The following SLC12A8 variants were observed in gnomAD, a reference collection of about 807,000 sequenced individuals.
The protein encoded by SLC12A8 is solute carrier family 12 member 8.
A neutral mutation model predicts 75.6 loss-of-function variants in SLC12A8; 69 were observed. The observed-to-expected ratio is 0.91, with a 90% CI of 0.75 to 1.11. The LOEUF (loss-of-function observed/expected upper bound fraction) is 1.11, where lower values mean the gene tolerates loss of function less well. SLC12A8 is among the 50% of genes most tolerant of loss of function. The probability of loss-of-function intolerance (pLI) is 0.00; values close to 1 mark genes in which losing one functional copy is unlikely to be tolerated. For missense variants in SLC12A8, 877 were observed against 896.7 expected, an observed-to-expected ratio of 0.98 and a Z score of 0.28; for synonymous variants, 365 against 372.8, an observed-to-expected ratio of 0.98 and a Z score of 0.24.
intron 2 of SLC12A8, among the ~76,000 whole-genome samples, chr3:125,203,648 T>C (rs910680526): frequency 5.3e-5 from 8 of 151,970 alleles, no homozygotes; most frequent in African/African-American, 1.2e-4. Flanking sequence ...GAAGAAAACA[T>C]AGGGGGCATG....
intron 4 of SLC12A8, 61 bp from the exon 5 acceptor site, chr3:125,178,035 A>G: frequency 7.2e-7 from 1 of 1,389,102 alleles, no homozygotes; most frequent in Admixed American, 1.9e-5. Flanking sequence ...CCATGGGCAG[A>G]ACCGCCCAGC....
chr3:125,212,373 G>T (rs564252099), intron 1 of SLC12A8, among the ~76,000 whole-genome samples: 2 of 151,964 alleles, frequency 1.3e-5, no homozygotes, highest in African/African-American at 4.8e-5. Context: ...GCCTCCGCTC[G>T]CCCTTCCCGC....
chr3:125,092,363 C>T (rs192212702), intron 10 of SLC12A8, among the ~76,000 whole-genome samples, 165 bp from the exon 11 acceptor site: 1 of 152,222 alleles, frequency 6.6e-6, no homozygotes, highest in Admixed American at 6.5e-5. Context: ...TTATGGCCTC[C>T]CACCAGCCAA....
intron 6 of SLC12A8, among the ~76,000 whole-genome samples, chr3:125,134,319 A>G (rs1039483752): frequency 2.0e-5 from 3 of 151,716 alleles, no homozygotes; most frequent in Non-Finnish European, 4.4e-5. Flanking sequence ...CATGTTGTCC[A>G]GGCTGTTCTT....
At position 125,207,189 on chromosome 3, in the gene SLC12A8, G is replaced by A. The variant is rs193220090; in HGVS notation, c.51+4110C>T. 6.6e-5 allele frequency among the ~76,000 whole-genome samples: 10 copies of A among 152,254 alleles called. No individual in the cohort carries two copies. The East Asian group carries it at 9.6e-4, about 15-fold the overall frequency. ...GTTCTGACGGGGAGCCTGCTCCCAC[G>A]GCCTGCAGCGGGTTTTTTCTAGAAT... On this transcript the variant is annotated intron_variant, in intron 2 of 13. Coordinates refer to ENST00000469902, the MANE Select transcript of SLC12A8 (RefSeq NM_024628.6).
intron 8 of SLC12A8, among the ~76,000 whole-genome samples, chr3:125,115,719 G>A (rs1386888533): frequency 6.6e-6 from 1 of 152,030 alleles, no homozygotes; most frequent in Admixed American, 6.6e-5. Flanking sequence ...CTGGCAGAAA[G>A]CCCCCGAGAG....
chr3:125,089,661 T>A (rs1262255338), intron 12 of SLC12A8, among the ~76,000 whole-genome samples: 1 of 144,800 alleles, frequency 6.9e-6, no homozygotes, highest in East Asian at 2.1e-4. Flanking sequence ...TGCATCAGAC[T>A]ATTCTAATTC....
intron 5 of SLC12A8, among the ~76,000 whole-genome samples, chr3:125,149,590 T>C (rs1275075180): frequency 1.3e-5 from 2 of 152,188 alleles, no homozygotes; most frequent in East Asian, 3.8e-4. Flanking sequence ...CACATAATTT[T>C]ACAAACAAGA....
chr3:125,210,081 G>A (rs1202071987), intron 2 of SLC12A8, among the ~76,000 whole-genome samples: 3 of 152,194 alleles, frequency 2.0e-5, no homozygotes, highest in Non-Finnish European at 4.4e-5. Context: ...CAACACAGAG[G>A]TCATTGTATC....
chr3:125,189,987 G>A (rs907400876), intron 3 of SLC12A8, among the ~76,000 whole-genome samples: 3 of 152,146 alleles, frequency 2.0e-5, no homozygotes, highest in African/African-American at 7.2e-5. Context: ...TTGCAGTGTG[G>A]TGGGGGAAGG....
intron 5 of SLC12A8, among the ~76,000 whole-genome samples, chr3:125,175,386 A>C (rs139321250): frequency 1.2e-3 from 180 of 152,360 alleles, no homozygotes; most frequent in African/African-American, 4.2e-3. Context: ...TGATACCAAA[A>C]ACAGATTCTT....
intron 2 of SLC12A8, among the ~76,000 whole-genome samples, chr3:125,208,813 G>GAGAGAGAGAGAGAC (rs1352745710): frequency 6.7e-6 from 1 of 148,286 alleles, no homozygotes; most frequent in Non-Finnish European, 1.5e-5. Flanking sequence ...GAGAGAGAGA[G>GAGAGAGAGAGAGAC]AGAGAGAGAG....
At chr3:125,130,939 T>TCACA (rs1933341123) in intron 6 of SLC12A8, among the ~76,000 whole-genome samples, 1 of 152,198 alleles carries the variant, frequency 6.6e-6, no homozygotes, top group Non-Finnish European at 1.5e-5. Context: ...AAAGAGGCCT[T>TCACA]CTGCCCTGCC....
At chr3:125,128,119 G>A (rs564895152) in intron 6 of SLC12A8, among the ~76,000 whole-genome samples, 3 of 151,466 alleles carry the variant, frequency 2.0e-5, no homozygotes, top group South Asian at 4.2e-4. Flanking sequence ...TGATCTGCCC[G>A]CCAACCTCCC....
At chr3:125,182,274 C>T (rs1934681426) in intron 4 of SLC12A8, among the ~76,000 whole-genome samples, 1 of 151,900 alleles carries the variant, frequency 6.6e-6, no homozygotes, top group Non-Finnish European at 1.5e-5. Flanking sequence ...CTGCAGTGAG[C>T]TGTGATGGCG....
intron 10 of SLC12A8, among the ~76,000 whole-genome samples, chr3:125,092,636 G>A (rs650718): frequency 0.98 from 148,917 of 152,208 alleles, 72,933 homozygotes; most frequent in East Asian, 1. Context: ...AAGTTAGCTC[G>A]TGTTAGACCT....
At chr3:125,133,485 G>GCCACCCA (rs1393726758) in intron 6 of SLC12A8, among the ~76,000 whole-genome samples, 2 of 151,708 alleles carry the variant, frequency 1.3e-5, no homozygotes, top group Non-Finnish European at 2.9e-5. Flanking sequence ...CAGTCCTCCT[G>GCCACCCA]TCACCCACCT....
At chr3:125,126,249 G>A (rs541781432) in intron 6 of SLC12A8, among the ~76,000 whole-genome samples, 3 of 152,252 alleles carry the variant, frequency 2.0e-5, no homozygotes, top group South Asian at 4.1e-4. Flanking sequence ...GGTTTATGAG[G>A]CTACACCTCG....
chr3:125,120,736 C>G (rs375236715), intron 6 of SLC12A8, 50 bp from the exon 7 acceptor site: 1 of 1,419,660 alleles, frequency 7.0e-7, no homozygotes, highest in East Asian at 2.3e-5. Context: ...CTCCACGCAT[C>G]GCCTTCCCCA....
Sources: allele counts gnomAD v4.1 joint callset (sites outside exome capture counted in the v4.1 genomes callset), GRCh38; gene constraint gnomAD v4.1.1; transcripts MANE v1.5; gene names NCBI Gene and HGNC (gene_info 2026-07-23, HGNC 2026-07-21).